The following CNTNAP2 variants were observed in gnomAD, a reference collection of about 807,000 sequenced individuals.
The protein encoded by CNTNAP2 is contactin associated protein 2, also known as contactin-associated protein-like 2.
CNTNAP2 carries 98 observed loss-of-function variants against 155.2 expected under a neutral mutation model. The observed-to-expected ratio is 0.63, with a 90% CI of 0.54 to 0.75. The LOEUF (loss-of-function observed/expected upper bound fraction) is 0.75, where lower values mean the gene tolerates loss of function less well. Ranked by LOEUF, CNTNAP2 falls within the 30% of genes least tolerant of loss-of-function variation. The pLI, the probability that CNTNAP2 is intolerant of heterozygous loss-of-function variation, is 0.00. For missense variants in CNTNAP2, 1,727 were observed against 1,688.1 expected, an observed-to-expected ratio of 1.02 and a Z score of -0.40; for synonymous variants, 651 against 631.2, an observed-to-expected ratio of 1.03 and a Z score of -0.47.
intron 3 of CNTNAP2, among the ~76,000 whole-genome samples, chr7:146,934,210 G>C (rs1796856222): frequency 6.6e-6 from 1 of 151,982 alleles, no homozygotes; most frequent in Admixed American, 6.6e-5. Flanking sequence ...AACAATGATA[G>C]ACTGGATGAA....
intron 13 of CNTNAP2, among the ~76,000 whole-genome samples, chr7:147,730,666 G>A (rs780807807): frequency 5.3e-5 from 8 of 151,870 alleles, no homozygotes; most frequent in Non-Finnish European, 1.0e-4. Flanking sequence ...ACAGTACAGC[G>A]GCCTCTAAGT....
intron 10 of CNTNAP2, among the ~76,000 whole-genome samples, chr7:147,483,583 G>A (rs566892105): frequency 1.3e-5 from 2 of 152,142 alleles, no homozygotes; most frequent in South Asian, 2.1e-4. Context: ...TACTTCCCCC[G>A]AATTAATTGA....
At chr7:147,260,199 T>C (rs1804425578) in intron 8 of CNTNAP2, among the ~76,000 whole-genome samples, 1 of 152,192 alleles carries the variant, frequency 6.6e-6, no homozygotes, top group South Asian at 2.1e-4. Context: ...GTTTGCAACT[T>C]AACGTGAAGT....
At chr7:147,836,189 A>C (rs17825634) in intron 13 of CNTNAP2, among the ~76,000 whole-genome samples, 5,827 of 152,332 alleles carry the variant, frequency 0.038, 171 homozygotes, top group Middle Eastern at 0.061. Context: ...TTAACAAAAT[A>C]TAGCTCAAAT....
intron 4 of CNTNAP2, among the ~76,000 whole-genome samples, chr7:147,060,691 T>C (rs1160304509): frequency 6.6e-6 from 1 of 151,994 alleles, no homozygotes; most frequent in East Asian, 1.9e-4. Context: ...TGAAACCCCG[T>C]CTCTACTAAA....
At position 147,568,148 on chromosome 7, in the gene CNTNAP2, G is replaced by A. The variant is rs185764082; in HGVS notation, c.1897+5891G>A. ...TCGGGTTTCTTGTAAATAAAGTTCA[G>A]TAATTGGAATAAGTTGATATCTTCA... On this transcript the variant is annotated intron_variant, in intron 12 of 23. Transcript: ENST00000361727. Among the ~76,000 whole-genome samples, 698 of 151,708 alleles carry A rather than the reference G, an allele frequency of 4.6e-3. 19 individuals are homozygous for A. Among genetic ancestry groups the A allele is most frequent in the Admixed American group, 0.04 (609 of 15,252 alleles).
intron 1 of CNTNAP2, among the ~76,000 whole-genome samples, chr7:146,318,135 C>T (rs1209753737): frequency 7.1e-6 from 1 of 140,826 alleles, no homozygotes; most frequent in Non-Finnish European, 1.5e-5. Context: ...AGCAAGACTC[C>T]ATCTCAAAAA....
chr7:147,230,699 T>A (rs892383007), intron 8 of CNTNAP2, among the ~76,000 whole-genome samples: 1 of 152,242 alleles, frequency 6.6e-6, no homozygotes, highest in Non-Finnish European at 1.5e-5. Context: ...AACTTGTTCA[T>A]CTTATAACTG....
intron 14 of CNTNAP2, among the ~76,000 whole-genome samples, chr7:147,917,909 T>C (rs189255597): frequency 1.6e-3 from 243 of 152,284 alleles, no homozygotes; most frequent in Non-Finnish European, 2.8e-3. Context: ...TAAGGATATT[T>C]GTATTTTCTC....
intron 9 of CNTNAP2, among the ~76,000 whole-genome samples, chr7:147,331,744 G>A (rs764499370): frequency 5.3e-5 from 8 of 152,134 alleles, no homozygotes; most frequent in African/African-American, 1.7e-4. Flanking sequence ...AAGACTCATC[G>A]AGATTACTAG....
chr7:147,167,861 G>A (rs1802145552), intron 8 of CNTNAP2, among the ~76,000 whole-genome samples: 1 of 151,996 alleles, frequency 6.6e-6, no homozygotes, highest in Non-Finnish European at 1.5e-5. Context: ...GAATTCAGGG[G>A]TGAGATCTTG....
At chr7:147,484,850 T>C (rs754235862) in intron 10 of CNTNAP2, among the ~76,000 whole-genome samples, 5 of 152,238 alleles carry the variant, frequency 3.3e-5, no homozygotes, top group Admixed American at 6.5e-5. Context: ...TAGATTCTGC[T>C]ATTTTAATCT....
intron 13 of CNTNAP2, among the ~76,000 whole-genome samples, chr7:147,778,817 G>A (rs998602967): frequency 1.3e-5 from 2 of 152,072 alleles, no homozygotes; most frequent in African/African-American, 4.8e-5. Flanking sequence ...GGCCTGGAAA[G>A]AAAGAAATTT....
At chr7:148,169,678 A>T (rs1170943038) in intron 17 of CNTNAP2, among the ~76,000 whole-genome samples, 2 of 152,100 alleles carry the variant, frequency 1.3e-5, no homozygotes, top group Non-Finnish European at 2.9e-5. Flanking sequence ...AAATGTTGCA[A>T]AGGCTGGGCA....
At chr7:146,720,986 AC>A (rs1801283292) in intron 1 of CNTNAP2, among the ~76,000 whole-genome samples, 1 of 129,188 alleles carries the variant, frequency 7.7e-6, no homozygotes, top group African/African-American at 3.4e-5. Flanking sequence ...GACTATATAT[AC>A]TGTATATATA....
intron 11 of CNTNAP2, among the ~76,000 whole-genome samples, chr7:147,537,875 A>G (rs892697125): frequency 6.6e-6 from 1 of 152,306 alleles, no homozygotes; most frequent in Non-Finnish European, 1.5e-5. Context: ...AGTTTTGTGC[A>G]TTTTTCCTTA....
intron 13 of CNTNAP2, among the ~76,000 whole-genome samples, chr7:147,675,757 G>T (rs548992874): frequency 9.7e-4 from 147 of 152,040 alleles, no homozygotes; most frequent in Admixed American, 2.3e-3. Flanking sequence ...TAGCGTTTGG[G>T]CATGTATTTT....
intron 8 of CNTNAP2, among the ~76,000 whole-genome samples, chr7:147,255,090 C>T (rs1804292060): frequency 6.6e-6 from 1 of 152,104 alleles, no homozygotes; most frequent in Non-Finnish European, 1.5e-5. Context: ...GATCCTCTGC[C>T]AAGTAAAATG....
At chr7:146,829,287 T>C (rs1229292824) in intron 2 of CNTNAP2, among the ~76,000 whole-genome samples, 1 of 152,052 alleles carries the variant, frequency 6.6e-6, no homozygotes, top group Non-Finnish European at 1.5e-5. Context: ...GCCAGAAGGT[T>C]AATGATTTTC....
Sources: allele counts gnomAD v4.1 joint callset (sites outside exome capture counted in the v4.1 genomes callset), GRCh38; gene constraint gnomAD v4.1.1; transcripts MANE v1.5; gene names NCBI Gene and HGNC (gene_info 2026-07-23, HGNC 2026-07-21).